The following PKHD1 variants were observed in gnomAD, a reference collection of about 807,000 sequenced individuals.
The protein encoded by PKHD1 is fibrocystin.
Under a neutral mutation model 412.0 loss-of-function variants are expected in PKHD1, and 291 were observed. That is an observed-to-expected ratio of 0.71 (90% CI 0.64 to 0.78). The LOEUF (loss-of-function observed/expected upper bound fraction) is 0.78. Among genes scored for constraint, PKHD1 ranks in the 30% least tolerant of loss-of-function variants. PKHD1 has a pLI of 0.00. For synonymous variants in PKHD1, 1,777 were observed against 1,821.5 expected (o/e 0.98, Z 0.62); for missense variants, 4,825 against 4,950.7 (o/e 0.97, Z 0.76).
intron 34 of PKHD1, among the ~76,000 whole-genome samples, 165 bp from the exon 35 acceptor site, chr6:52,010,624 A>G (rs1164026085): frequency 6.6e-6 from 1 of 151,988 alleles, no homozygotes; most frequent in African/African-American, 2.4e-5. Context: ...TTTATTGTTT[A>G]TTTGTTTTTC....
At chr6:51,699,920 A>AGTGTGTGTGTGTGTGTGTGTGTGTGTGT (rs148337538) in intron 60 of PKHD1, among the ~76,000 whole-genome samples, 1 of 137,812 alleles carries the variant, frequency 7.3e-6, no homozygotes. Flanking sequence ...ATATATATGG[A>AGTGTGTGTGTGTGTGTGTGTGTGTGTGT]GTGTGTGTGT....
Position 52,010,378 on chromosome 6 carries a change from A to T in PKHD1, c.5682T>A (p.Cys1894Ter). The T allele has an allele frequency of 6.2e-7, 1 of 1,612,900 alleles. No homozygotes were observed. The highest frequency in any genetic ancestry group is 8.5e-7 in the Non-Finnish European group (1 of 1,178,910). Residue 1894 changes from cysteine (C) to a stop codon, truncating the protein, a stop_gained, in exon 35 of 67, where the codon TGT becomes TGA. Coordinates refer to ENST00000371117, the MANE Select transcript of PKHD1 (RefSeq NM_138694.4). LOFTEE classifies it high-confidence loss of function. Reference sequence around the variant, plus strand: ...CGGTAATTGGCTGATTGGGCGTCTCACACTCCATCTCTGCCTCAGTTTCCA... The same window carrying T: ...CGGTAATTGGCTGATTGGGCGTCTCTCACTCCATCTCTGCCTCAGTTTCCA... ...ITMETEAEME[C>*]ETPNQPITVK...
intron 46 of PKHD1, among the ~76,000 whole-genome samples, chr6:51,882,653 C>A (rs945167206): frequency 6.6e-6 from 1 of 152,162 alleles, no homozygotes; most frequent in Non-Finnish European, 1.5e-5. Flanking sequence ...GTGCTTCCCA[C>A]CCGGGAGTAC....
chr6:51,672,914 A>G (rs1012607109), intron 60 of PKHD1, among the ~76,000 whole-genome samples: 1 of 152,230 alleles, frequency 6.6e-6, no homozygotes, highest in African/African-American at 2.4e-5. Context: ...GACAATTTCA[A>G]TGTTATCACT....
chr6:52,013,259 C>T (rs557047091), intron 34 of PKHD1, among the ~76,000 whole-genome samples: 6 of 152,280 alleles, frequency 3.9e-5, no homozygotes, highest in African/African-American at 1.4e-4. Flanking sequence ...TCACTCTACC[C>T]TCTGTTTGCC....
intron 60 of PKHD1, among the ~76,000 whole-genome samples, chr6:51,710,013 A>T (rs1365189068): frequency 6.6e-6 from 1 of 152,140 alleles, no homozygotes; most frequent in East Asian, 1.9e-4. Flanking sequence ...GATCAAGACC[A>T]TCCTAGCCAA....
chr6:52,011,781 G>C (rs1262229323), intron 34 of PKHD1, among the ~76,000 whole-genome samples: 1 of 152,154 alleles, frequency 6.6e-6, no homozygotes, highest in African/African-American at 2.4e-5. Flanking sequence ...ATCTACCTAA[G>C]ACATGACTTC....
intron 35 of PKHD1, among the ~76,000 whole-genome samples, chr6:51,960,580 T>G (rs1791867863): frequency 1.3e-5 from 2 of 152,188 alleles, no homozygotes; most frequent in African/African-American, 2.4e-5. Context: ...TTCCTCTTCC[T>G]AAGTGCTCAG....
At chr6:51,714,324 C>T (rs1009676138) in intron 60 of PKHD1, among the ~76,000 whole-genome samples, 8 of 151,954 alleles carry the variant, frequency 5.3e-5, no homozygotes, top group South Asian at 4.2e-4. Flanking sequence ...GAGCTGAGAT[C>T]GTGCCATTGC....
At chr6:51,897,755 T>G (rs1209742554) in intron 43 of PKHD1, among the ~76,000 whole-genome samples, 4 of 143,864 alleles carry the variant, frequency 2.8e-5, no homozygotes, top group Non-Finnish European at 4.5e-5. Context: ...CAGTGTGCTG[T>G]ATTCAGGAAA....
At chr6:51,799,386 T>C (rs1762568731) in intron 52 of PKHD1, among the ~76,000 whole-genome samples, 1 of 152,192 alleles carries the variant, frequency 6.6e-6, no homozygotes, top group African/African-American at 2.4e-5. Flanking sequence ...AATTTAAACA[T>C]GAGTAAGTCA....
At chr6:51,838,110 CTCTAAAGT>C (rs1769557129) in intron 50 of PKHD1, among the ~76,000 whole-genome samples, 4 of 152,320 alleles carry the variant, frequency 2.6e-5, no homozygotes, top group Admixed American at 2.0e-4. Context: ...TTTGTGCATT[CTCTAAAGT>C]TCTAAAGTAC....
chr6:51,828,056 T>C (rs960743661), intron 52 of PKHD1, among the ~76,000 whole-genome samples: 2 of 152,142 alleles, frequency 1.3e-5, no homozygotes, highest in Non-Finnish European at 2.9e-5. Flanking sequence ...CAACAAATAA[T>C]AGTTTTTTAT....
intron 37 of PKHD1, among the ~76,000 whole-genome samples, chr6:51,918,009 G>A (rs1784095414): frequency 6.6e-6 from 1 of 151,992 alleles, no homozygotes; most frequent in Admixed American, 6.6e-5. Context: ...CAAATCCTAA[G>A]ACAAACAAGA....
chr6:51,899,041 A>C (rs1042343803), intron 43 of PKHD1, among the ~76,000 whole-genome samples: 1 of 152,204 alleles, frequency 6.6e-6, no homozygotes, highest in African/African-American at 2.4e-5. Context: ...ACCAACCAAA[A>C]AGAGTCCAGG....
At chr6:51,653,329 G>C (rs749902096) in intron 61 of PKHD1, among the ~76,000 whole-genome samples, 4 of 152,084 alleles carry the variant, frequency 2.6e-5, no homozygotes, top group African/African-American at 7.2e-5. Flanking sequence ...CAATTCCTAA[G>C]AGGGAAGAAA....
intron 36 of PKHD1, among the ~76,000 whole-genome samples, chr6:51,956,545 A>AG (rs1440709351): frequency 6.6e-6 from 1 of 152,114 alleles, no homozygotes; most frequent in Non-Finnish European, 1.5e-5. Context: ...AATTGATGAA[A>AG]TCCTTTGTCT....
intron 35 of PKHD1, among the ~76,000 whole-genome samples, chr6:51,963,726 G>GAA (rs11431187): frequency 3.4e-5 from 5 of 148,008 alleles, no homozygotes; most frequent in African/African-American, 1.2e-4. Context: ...ATCCAATCAA[G>GAA]AAAAAAAAAA....
At chr6:52,022,609 T>C (rs1801560257) in intron 33 of PKHD1, among the ~76,000 whole-genome samples, 192 bp downstream of exon 33, 1 of 152,200 alleles carries the variant, frequency 6.6e-6, no homozygotes, top group African/African-American at 2.4e-5. Context: ...ACAAAAGTTA[T>C]GATGAATCAT....
Sources: gnomAD v4.1 joint callset for allele counts (sites outside exome capture counted in the v4.1 genomes callset) on GRCh38, gnomAD v4.1.1 for gene constraint, MANE v1.5 for transcripts, NCBI Gene and HGNC (gene_info 2026-07-23, HGNC 2026-07-21) for gene names.